DCAF1: variants seen among roughly 807,000 people sequenced by gnomAD.
DCAF1 encodes DDB1- and CUL4-associated factor 1.
In DCAF1, 15 loss-of-function variants were observed where a neutral mutation model predicts 128.0. The ratio of observed to expected loss-of-function variants is 0.12; its 90% CI spans 0.08 to 0.18. The LOEUF (loss-of-function observed/expected upper bound fraction) is 0.18. Ranked by LOEUF, DCAF1 falls within the 10% of genes least tolerant of loss-of-function variation. DCAF1 has a pLI of 1.00. For synonymous variants in DCAF1, 610 were observed against 603.0 expected (o/e 1.01, Z -0.17); for missense variants, 988 against 1,649.5 (o/e 0.60, Z 6.95).
chr3:51,421,159 C>G (rs1699356656), intron 14 of DCAF1, among the ~76,000 whole-genome samples, 162 bp from the exon 15 acceptor site: 1 of 152,174 alleles, frequency 6.6e-6, no homozygotes, highest in South Asian at 2.1e-4. Flanking sequence ...GACAGTTCTA[C>G]TACAATGTAT....
chr3:51,406,952 G>T (rs1553626811), intron 23 of DCAF1, among the ~76,000 whole-genome samples: 1 of 152,152 alleles, frequency 6.6e-6, no homozygotes, highest in African/African-American at 2.4e-5. Context: ...CCAGCACTTT[G>T]GGAGGCCAAG....
At chr3:51,435,635 C>A (rs7429461) in intron 9 of DCAF1, among the ~76,000 whole-genome samples, 1 of 150,648 alleles carries the variant, frequency 6.6e-6, no homozygotes, top group South Asian at 2.1e-4. Flanking sequence ...CACTTGAACC[C>A]GGGAGGCCAG....
chr3:51,435,711 C>CA (rs879994512), intron 9 of DCAF1, among the ~76,000 whole-genome samples: 133,793 of 140,872 alleles, frequency 0.95, 63,701 homozygotes, highest in East Asian at 0.99. Flanking sequence ...AACTCTGTCT[C>CA]AAAAAAAAAA....
intron 6 of DCAF1, among the ~76,000 whole-genome samples, chr3:51,446,963 A>G (rs371292799): frequency 7.3e-6 from 1 of 136,990 alleles, no homozygotes; most frequent in Non-Finnish European, 1.5e-5. Flanking sequence ...TTTGTCTCAA[A>G]AATAATAATA....
upstream of DCAF1, among the ~76,000 whole-genome samples, chr3:51,503,917 C>T (rs1708879731): frequency 6.6e-6 from 1 of 152,198 alleles, no homozygotes; most frequent in African/African-American, 2.4e-5. Context: ...GCAAGCATAC[C>T]TAGCCTCTTT....
chr3:51,404,602 T>C (rs1174275607), intron 23 of DCAF1, among the ~76,000 whole-genome samples: 1 of 152,242 alleles, frequency 6.6e-6, no homozygotes, highest in African/African-American at 2.4e-5. Context: ...CCACCATTAG[T>C]GACTTTTTGA....
Position 51,482,633 on chromosome 3 carries a change from C to T in DCAF1, c.110+1086G>A, listed in dbSNP as rs1018740554. ...TACAAAAATTAGCCGGGTGTGGTGG[C>T]GTGCACCTGTAATCCCAGCTACTCG... On this transcript the variant is annotated intron_variant, in intron 3 of 24. Transcript: ENST00000684031. 2.2e-4 allele frequency among the ~76,000 whole-genome samples: 32 copies of T among 146,428 alleles called. 1 individual carries two copies. The highest frequency in any genetic ancestry group is 6.8e-4 in the African/African-American group (27 of 39,670).
intron 3 of DCAF1, among the ~76,000 whole-genome samples, chr3:51,472,584 A>G (rs1292993343): frequency 1.3e-5 from 2 of 151,844 alleles, no homozygotes; most frequent in African/African-American, 2.4e-5. Flanking sequence ...TGAACCATAT[A>G]ATCTTTTTAC....
chr3:51,432,405 C>G lies in DCAF1; in HGVS notation c.1287+701G>C, dbSNP rs945895616. On this transcript the variant is annotated intron_variant, in intron 10 of 24. Transcript: ENST00000684031. ...CTAAAAATACACAAACATATACACC[C>G]CTATATACGATATAAACGTGTGTGT... 5.9e-5 allele frequency among the ~76,000 whole-genome samples: 9 copies of G among 151,828 alleles called. No individual in the cohort carries two copies. The South Asian group carries it at 1.9e-3, about 32-fold the overall frequency.
At chr3:51,490,499 T>C (rs868906436) in intron 2 of DCAF1, among the ~76,000 whole-genome samples, 3 of 152,164 alleles carry the variant, frequency 2.0e-5, no homozygotes, top group Non-Finnish European at 4.4e-5. Context: ...CTGGAGTCAA[T>C]TCATGATGAC....
chr3:51,456,948 C>A (rs1265716892), intron 6 of DCAF1, among the ~76,000 whole-genome samples: 3 of 152,078 alleles, frequency 2.0e-5, no homozygotes, highest in African/African-American at 7.2e-5. Context: ...GTAGCTACAA[C>A]CACAAAGATG....
rs1553629177 is a variant in DCAF1 at position 51,413,396 on chromosome 3, G to C, written c.3932-10C>G. 2 of 1,609,028 alleles carry C rather than the reference G, an allele frequency of 1.2e-6. No homozygotes were observed. The highest frequency in any genetic ancestry group is 1.1e-5 in the South Asian group (1 of 90,146). ...TCTGCCTGCAACATAGCTTGAGGGG[G>C]AGTGGGGGAGGAAACACTATTAGGA... On this transcript the variant is annotated splice_polypyrimidine_tract_variant and intron_variant, in intron 20 of 24. Coordinates refer to ENST00000684031, the MANE Select transcript of DCAF1 (RefSeq NM_001387579.1).
chr3:51,418,741 A>C lies in DCAF1; in HGVS notation c.3372T>G (p.Ser1124Arg). Reference sequence around the variant, plus strand: ...AGTTATAGCTGGCCTCCTCCTGTCCACTAAACACATTATAGAGCTTCAGCT... The same window carrying C: ...AGTTATAGCTGGCCTCCTCCTGTCCCCTAAACACATTATAGAGCTTCAGCT... ...TGQLKLYNVF[S>R]GQEEASYNCH... The change falls in exon 16 of 25, where the codon AGT becomes AGG. Residue 1124 changes from serine to arginine, a missense_variant. Physicochemically the swap from Ser to Arg is moderately radical, Grantham distance 110 (BLOSUM62 -1). This residue lies in a region of DCAF1 where 105 missense variants were observed against 266.7 expected (regional missense o/e 0.39). Coordinates refer to ENST00000684031, the MANE Select transcript of DCAF1 (RefSeq NM_001387579.1). 2 of 1,614,018 alleles carry C rather than the reference A, an allele frequency of 1.2e-6. No individual in the cohort carries two copies. Among genetic ancestry groups the C allele is most frequent in the Non-Finnish European group, 1.7e-6 (2 of 1,179,894 alleles).
chr3:51,446,651 A>G (rs1185083931), intron 6 of DCAF1, among the ~76,000 whole-genome samples: 4 of 151,920 alleles, frequency 2.6e-5, no homozygotes, highest in Admixed American at 2.0e-4. Flanking sequence ...AAAAATAAAA[A>G]TAAATTTAAA....
chr3:51,462,186 G>T (rs1461387539), intron 6 of DCAF1, among the ~76,000 whole-genome samples: 3 of 152,160 alleles, frequency 2.0e-5, no homozygotes, highest in Non-Finnish European at 4.4e-5. Context: ...ACTCTGGGAG[G>T]CCAAGGAGGG....
intron 3 of DCAF1, among the ~76,000 whole-genome samples, chr3:51,475,081 C>T (rs1415110716): frequency 2.0e-5 from 3 of 151,938 alleles, no homozygotes; most frequent in Admixed American, 1.3e-4. Flanking sequence ...CTGCACCCAG[C>T]CTTATACCTG....
At chr3:51,421,065 A>G (rs1474516473) in intron 14 of DCAF1, 68 bp from the exon 15 acceptor site, 6 of 1,518,720 alleles carry the variant, frequency 4.0e-6, no homozygotes, top group South Asian at 3.9e-5. Flanking sequence ...GTTGTTCCAG[A>G]GTCAAAATTT....
chr3:51,414,052 G>C lies in DCAF1; in HGVS notation c.3838-9C>G, dbSNP rs782142858. 1.9e-6 allele frequency: 3 copies of C among 1,590,296 alleles called. No individual in the cohort carries two copies. The East Asian group carries it at 6.8e-5, about 36-fold the overall frequency. ...AAAGTTCGAAGGTCCCACTAGGAGG[G>C]GAATGGTCAAGGAAAACTATTTTAC... On this transcript the variant is annotated splice_polypyrimidine_tract_variant and intron_variant, in intron 19 of 24. Transcript: ENST00000684031.
chr3:51,497,682 T>C (rs1553661851), intron 1 of DCAF1, among the ~76,000 whole-genome samples: 21 of 152,094 alleles, frequency 1.4e-4, no homozygotes. Flanking sequence ...AAGGATTGCT[T>C]GAGGTCAGCT....
Sources: allele counts gnomAD v4.1 joint callset (sites outside exome capture counted in the v4.1 genomes callset), GRCh38; gene constraint gnomAD v4.1.1; regional missense constraint gnomAD v4.1.1; transcripts MANE v1.5; gene names NCBI Gene and HGNC (gene_info 2026-07-23, HGNC 2026-07-21).